Variants in TSHZ2 observed in about 807,000 individuals in gnomAD.
TSHZ2 encodes the protein teashirt zinc finger homeobox 2, also known as teashirt homolog 2.
In TSHZ2, 21 loss-of-function variants were observed where a neutral mutation model predicts 74.4. The observed-to-expected ratio is 0.28, with a 90% CI of 0.20 to 0.41. The LOEUF (loss-of-function observed/expected upper bound fraction) is 0.41, where lower values mean the gene tolerates loss of function less well. TSHZ2 is among the 10% of genes least tolerant of loss of function. The pLI, the probability that TSHZ2 is intolerant of heterozygous loss-of-function variation, is 1.00. For missense variants in TSHZ2, 1,244 were observed against 1,293.5 expected, an observed-to-expected ratio of 0.96 and a Z score of 0.59; for synonymous variants, 540 against 515.3, an observed-to-expected ratio of 1.05 and a Z score of -0.65.
intron 1 of TSHZ2, among the ~76,000 whole-genome samples, chr20:53,149,041 T>C (rs921780852): frequency 6.6e-6 from 1 of 152,242 alleles, no homozygotes; most frequent in Non-Finnish European, 1.5e-5. Flanking sequence ...AGTTTCTCCG[T>C]AGATAAATAT....
chr20:53,072,593 A>G (rs1352324679), intron 1 of TSHZ2, among the ~76,000 whole-genome samples: 1 of 152,242 alleles, frequency 6.6e-6, no homozygotes, highest in Admixed American at 6.5e-5. Context: ...GTAAGAGCCC[A>G]TAAAATTGAT....
At chr20:53,177,609 G>C (rs1293390) in intron 1 of TSHZ2, among the ~76,000 whole-genome samples, 77,742 of 151,964 alleles carry the variant, frequency 0.51, 21,157 homozygotes, top group African/African-American at 0.7. Context: ...GGGGCCCCTC[G>C]CATTTAAAAA....
Position 53,099,179 on chromosome 20 carries a change from G to T in TSHZ2, c.40+125846G>T, listed in dbSNP as rs117353545. 7.2e-3 allele frequency among the ~76,000 whole-genome samples: 1,099 copies of T among 152,318 alleles called. 7 individuals are homozygous for T. Among genetic ancestry groups the T allele is most frequent in the Non-Finnish European group, 0.01 (688 of 68,022 alleles). On this transcript the variant is annotated intron_variant, in intron 1 of 2. Coordinates refer to ENST00000371497, the MANE Select transcript of TSHZ2 (RefSeq NM_173485.6). ...CAAGGAAGAAAGAAGACCCAAACAG[G>T]TGCAGGTCCTTTGAGCGAGGGTCAG...
chr20:53,430,103 G>T (rs1365076369), intron 2 of TSHZ2, among the ~76,000 whole-genome samples: 1 of 151,992 alleles, frequency 6.6e-6, no homozygotes, highest in African/African-American at 2.4e-5. Context: ...ATTGCTTAAG[G>T]GGATAAGGCT....
chr20:53,417,778 G>T (rs1568908617), intron 2 of TSHZ2, among the ~76,000 whole-genome samples: 1 of 152,084 alleles, frequency 6.6e-6, no homozygotes, highest in African/African-American at 2.4e-5. Context: ...AAAAAATAGG[G>T]ATGAGCTGGT....
chr20:53,297,412 G>A (rs1991399940), intron 2 of TSHZ2, among the ~76,000 whole-genome samples: 1 of 152,024 alleles, frequency 6.6e-6, no homozygotes, highest in African/African-American at 2.4e-5. Context: ...ACCACGCCCA[G>A]CTAATGCTTT....
chr20:53,126,818 T>C (rs1372760256), intron 1 of TSHZ2, among the ~76,000 whole-genome samples: 1 of 150,406 alleles, frequency 6.6e-6, no homozygotes, highest in Non-Finnish European at 1.5e-5. Flanking sequence ...TGAACAAGGC[T>C]TTCCGGATCC....
At chr20:53,120,760 G>A (rs765467924) in intron 1 of TSHZ2, among the ~76,000 whole-genome samples, 2 of 152,174 alleles carry the variant, frequency 1.3e-5, no homozygotes, top group East Asian at 3.8e-4. Flanking sequence ...TAGGCAAAGA[G>A]CAACAATTTG....
At chr20:53,442,800 T>C (rs928971721) in intron 2 of TSHZ2, among the ~76,000 whole-genome samples, 1 of 152,168 alleles carries the variant, frequency 6.6e-6, no homozygotes, top group Non-Finnish European at 1.5e-5. Context: ...AAATATGTAT[T>C]CCCCCGTTTC....
rs1986253266 is a variant in TSHZ2 at position 53,102,723 on chromosome 20, TA to T, written c.40+129396del. Reference sequence around the variant, plus strand: ...CCCATCTTGTTTAATATTTAATATGTAAAAAAGTTATTATGGTAGAACGGAA... The same window carrying T: ...CCCATCTTGTTTAATATTTAATATGTAAAAAGTTATTATGGTAGAACGGAA... On this transcript the variant is annotated intron_variant, in intron 1 of 2. Coordinates refer to ENST00000371497, the MANE Select transcript of TSHZ2 (RefSeq NM_173485.6). 2.0e-5 allele frequency among the ~76,000 whole-genome samples: 3 copies of T among 152,216 alleles called. No homozygotes were observed. In the South Asian group the frequency reaches 6.2e-4, roughly 32 times the overall value.
At chr20:53,016,294 A>G (rs1050589406) in intron 1 of TSHZ2, among the ~76,000 whole-genome samples, 18 of 152,286 alleles carry the variant, frequency 1.2e-4, no homozygotes, top group South Asian at 2.1e-4. Context: ...GTCACTGTCT[A>G]GAAAGAGTCT....
intron 2 of TSHZ2, among the ~76,000 whole-genome samples, chr20:53,315,109 G>A (rs752172792): frequency 6.6e-6 from 1 of 152,226 alleles, no homozygotes; most frequent in Non-Finnish European, 1.5e-5. Flanking sequence ...GCAGTTCCAC[G>A]CATGTGTATG....
rs6022428 is a variant in TSHZ2, at chr20:53,374,118, G to A, written c.*9-113026G>A. Among the ~76,000 whole-genome samples the A allele has an allele frequency of 3.9e-5, 6 of 152,226 alleles. No individual in the cohort carries two copies. In the South Asian group the frequency reaches 1.2e-3, roughly 32 times the overall value. On this transcript the variant is annotated intron_variant, in intron 2 of 2. Coordinates refer to ENST00000371497, the MANE Select transcript of TSHZ2 (RefSeq NM_173485.6). ...CAGGTAATAAACGTCGTATCCAATA[G>A]GTAGTTTTTGCATCCTCACCCTCCT...
At chr20:53,241,161 C>G (rs1002241658) in intron 1 of TSHZ2, among the ~76,000 whole-genome samples, 2 of 152,120 alleles carry the variant, frequency 1.3e-5, no homozygotes, top group Non-Finnish European at 2.9e-5. Context: ...TAACCTAAGT[C>G]GAAGGGTCAA....
Position 53,255,561 on chromosome 20 carries a change from C to T in TSHZ2, c.2103C>T (p.Val701=). 1 of 1,583,820 alleles carries T rather than the reference C, an allele frequency of 6.3e-7. No individual in the cohort carries two copies. The highest frequency in any genetic ancestry group is 8.6e-7 in the Non-Finnish European group (1 of 1,166,528). The change falls in exon 2 of 3, where the codon GTC becomes GTT. Residue 701 remains valine, a synonymous_variant. Transcript: ENST00000371497. The surrounding 1 kb of genome is among the most constrained non-coding windows in gnomAD (Gnocchi z 4.1). ...ACCCACTCAGCGCCCTGCAGTCCGT[C>T]CTGAACAATCACTTGGGCAAAGCCA... ...CINPLSALQS[V]LNNHLGKATE...
At chr20:53,131,517 A>G (rs1010439191) in intron 1 of TSHZ2, among the ~76,000 whole-genome samples, 1 of 152,192 alleles carries the variant, frequency 6.6e-6, no homozygotes, top group Non-Finnish European at 1.5e-5. Context: ...GCAGCCCATC[A>G]TTAGAGATGG....
chr20:53,135,683 C>T (rs1003790418), intron 1 of TSHZ2, among the ~76,000 whole-genome samples: 9 of 152,162 alleles, frequency 5.9e-5, no homozygotes, highest in African/African-American at 2.2e-4. Flanking sequence ...TCACTGCATC[C>T]TTGACCTCCT....
At chr20:53,419,194 C>T (rs980287934) in intron 2 of TSHZ2, among the ~76,000 whole-genome samples, 7 of 152,210 alleles carry the variant, frequency 4.6e-5, no homozygotes, top group South Asian at 2.1e-4. Flanking sequence ...CCCGTCAAAC[C>T]GCCTCAGACA....
chr20:53,195,815 A>C (rs939340575), intron 1 of TSHZ2, among the ~76,000 whole-genome samples: 1 of 152,140 alleles, frequency 6.6e-6, no homozygotes, highest in Admixed American at 6.5e-5. Flanking sequence ...CTAGTATTTC[A>C]CGGAGCAGCC....
Sources: gnomAD v4.1 joint callset for allele counts (sites outside exome capture counted in the v4.1 genomes callset) on GRCh38, gnomAD v4.1.1 for gene constraint, Gnocchi (gnomAD v3.1) non-coding constraint, MANE v1.5 for transcripts, NCBI Gene and HGNC (gene_info 2026-07-23, HGNC 2026-07-21) for gene names.